CRACD: variants seen among roughly 807,000 people sequenced by gnomAD.
CRACD encodes the protein capping protein-inhibiting regulator of actin dynamics.
A neutral mutation model predicts 106.8 loss-of-function variants in CRACD; 56 were observed. That is an observed-to-expected ratio of 0.52 (90% confidence interval 0.42 to 0.66). CRACD has a LOEUF of 0.66. CRACD is among the 30% of genes least tolerant of loss of function. The pLI is 0.00. For missense variants in CRACD, 1,730 were observed against 1,623.2 expected, an observed-to-expected ratio of 1.07 and a Z score of -1.13; for synonymous variants, 754 against 670.8, an observed-to-expected ratio of 1.12 and a Z score of -1.92.
rs1219401792 is a variant in CRACD at position 56,307,773 on chromosome 4, G to T, written c.285+74G>T. ...ACATTGGGCCTCCAGTAACCCTGGGGTCTGCAGCAGGGGAATTAGAGGGAG... is the reference window on the plus strand; with the variant it reads ...ACATTGGGCCTCCAGTAACCCTGGGTTCTGCAGCAGGGGAATTAGAGGGAG... On this transcript the variant is annotated intron_variant, in intron 5 of 10. Coordinates refer to ENST00000682029, the MANE Select transcript of CRACD (RefSeq NM_001393381.1). The T allele has an allele frequency of 1.2e-5, 18 of 1,479,222 alleles. No homozygotes were observed. The East Asian group carries it at 4.1e-4, about 34-fold the overall frequency. The allele number at this position is 1,479,222 out of a possible 1,614,324, so 91.6% of individuals were successfully genotyped here. A position where few individuals can be genotyped will look rare whatever the true frequency, so the allele number is the denominator to read the frequency against.
intron 3 of CRACD, among the ~76,000 whole-genome samples, chr4:56,295,812 T>G (rs950191715): frequency 6.6e-6 from 1 of 151,510 alleles, no homozygotes; most frequent in Non-Finnish European, 1.5e-5. Flanking sequence ...CAGAGAATAT[T>G]CAGAAGTGCG....
intron 1 of CRACD, chr4:56,097,245 G>A (rs1425535784): frequency 6.6e-6 from 1 of 152,496 alleles, no homozygotes; most frequent in African/African-American, 2.4e-5. Flanking sequence ...GCCCTGTTGG[G>A]GATTTGAAAC....
At chr4:56,116,320 G>A (rs1734274962) in intron 1 of CRACD, among the ~76,000 whole-genome samples, 1 of 150,972 alleles carries the variant, frequency 6.6e-6, no homozygotes, top group Non-Finnish European at 1.5e-5. Flanking sequence ...GACATGGCAG[G>A]ATAGACCCTT....
intron 1 of CRACD, among the ~76,000 whole-genome samples, chr4:56,140,671 A>C (rs559117983): frequency 6.6e-5 from 10 of 152,330 alleles, no homozygotes; most frequent in African/African-American, 1.9e-4. Flanking sequence ...AACAAAAAAC[A>C]ATCCTGAACA....
intron 1 of CRACD, among the ~76,000 whole-genome samples, chr4:56,163,900 C>A (rs913461737): frequency 2.0e-5 from 3 of 152,114 alleles, no homozygotes; most frequent in Admixed American, 2.0e-4. Flanking sequence ...CCCATGCCAC[C>A]ATGCCCAGAT....
At chr4:56,062,373 A>T (rs2109787254) in intron 1 of CRACD, among the ~76,000 whole-genome samples, 1 of 152,298 alleles carries the variant, frequency 6.6e-6, no homozygotes, top group African/African-American at 2.4e-5. Flanking sequence ...AGTTTGGTTT[A>T]TAGATGATTC....
intron 7 of CRACD, 112 bp downstream of exon 7, chr4:56,313,491 C>A: frequency 4.6e-6 from 4 of 865,168 alleles, no homozygotes; most frequent in Non-Finnish European, 5.3e-6. Context: ...AGAGTCTCCC[C>A]ATCGGGAACT....
chr4:56,294,392 C>T (rs1416306662), intron 3 of CRACD, among the ~76,000 whole-genome samples: 1 of 151,868 alleles, frequency 6.6e-6, no homozygotes, highest in Non-Finnish European at 1.5e-5. Flanking sequence ...AATTCAGAAA[C>T]ACCAAATATA....
intron 2 of CRACD, among the ~76,000 whole-genome samples, chr4:56,199,421 T>G (rs540649692): frequency 6.6e-6 from 1 of 152,124 alleles, no homozygotes; most frequent in African/African-American, 2.4e-5. Flanking sequence ...CAGTGGCTCA[T>G]GCCTGTAATC....
intron 2 of CRACD, among the ~76,000 whole-genome samples, chr4:56,209,937 G>A (rs1738317152): frequency 6.6e-6 from 1 of 152,168 alleles, no homozygotes. Flanking sequence ...GCCAGGAGAA[G>A]AGCTCAGGAC....
intron 1 of CRACD, among the ~76,000 whole-genome samples, chr4:56,149,525 ACTC>A (rs776407824): frequency 6.6e-6 from 1 of 152,220 alleles, no homozygotes; most frequent in Non-Finnish European, 1.5e-5. Context: ...TGCACATAAA[ACTC>A]CTGAAAAATG....
At chr4:56,277,480 G>A (rs1435279183) in intron 3 of CRACD, among the ~76,000 whole-genome samples, 1 of 150,904 alleles carries the variant, frequency 6.6e-6, no homozygotes, top group Non-Finnish European at 1.5e-5. Context: ...GACAACACTG[G>A]AAATAGAAGG....
chr4:56,303,131 G>C (rs1281979486), intron 4 of CRACD, among the ~76,000 whole-genome samples: 1 of 152,152 alleles, frequency 6.6e-6, no homozygotes, highest in Non-Finnish European at 1.5e-5. Context: ...GATCACTTGA[G>C]GCCAGGAGTT....
chr4:56,160,095 T>G (rs1229195885), intron 1 of CRACD, among the ~76,000 whole-genome samples: 1 of 151,854 alleles, frequency 6.6e-6, no homozygotes, highest in East Asian at 2.0e-4. Context: ...ATGACTTTCA[T>G]TGGAATTTTT....
chr4:56,303,203 G>T (rs1483034201), intron 4 of CRACD, among the ~76,000 whole-genome samples: 1 of 152,140 alleles, frequency 6.6e-6, no homozygotes, highest in Non-Finnish European at 1.5e-5. Context: ...AAATTAGCAG[G>T]ACGTGCAGGC....
intron 1 of CRACD, among the ~76,000 whole-genome samples, chr4:56,059,808 C>T (rs189668589): frequency 5.1e-4 from 78 of 152,226 alleles, no homozygotes; most frequent in African/African-American, 1.4e-3. Context: ...CTCAGGTTCC[C>T]GAGTAGCTGG....
intron 2 of CRACD, among the ~76,000 whole-genome samples, chr4:56,244,872 A>G (rs796918965): frequency 1.4e-4 from 21 of 152,252 alleles, no homozygotes; most frequent in South Asian, 6.2e-4. Flanking sequence ...CTGTTTCACA[A>G]TCTTCCACAA....
At position 56,269,195 on chromosome 4, in the gene CRACD, C is replaced by T. The variant is rs184479683; in HGVS notation, c.-188-3126C>T. 4.6e-3 allele frequency among the ~76,000 whole-genome samples: 702 copies of T among 151,966 alleles called. 4 individuals carry two copies. Among genetic ancestry groups the T allele is most frequent in the Non-Finnish European group, 7.5e-3 (507 of 67,944 alleles). ...GTCAGGAGTTGGAGATCGGCCTGGC[C>T]AACACAGTGATACCCCGTCTCTACT... On this transcript the variant is annotated intron_variant, in intron 2 of 10. Transcript: ENST00000682029.
chr4:56,233,530 T>TATC (rs1739771156), intron 2 of CRACD, among the ~76,000 whole-genome samples: 1 of 152,248 alleles, frequency 6.6e-6, no homozygotes, highest in African/African-American at 2.4e-5. Context: ...CTGTACTGTT[T>TATC]ATCTTTCTTG....
Sources: allele counts gnomAD v4.1 joint callset (sites outside exome capture counted in the v4.1 genomes callset), GRCh38; gene constraint gnomAD v4.1.1; transcripts MANE v1.5; gene names NCBI Gene and HGNC (gene_info 2026-07-23, HGNC 2026-07-21).